The following EVC variants were observed in gnomAD, a reference collection of about 807,000 sequenced individuals.
EVC encodes the protein EvC ciliary complex subunit 1, also known as evC complex member EVC.
A neutral mutation model predicts 118.9 loss-of-function variants in EVC; 116 were observed. The ratio of observed to expected loss-of-function variants is 0.98; its 90% CI spans 0.84 to 1.14. EVC has a LOEUF of 1.14. Ranked by LOEUF, EVC falls within the 50% of genes most tolerant of loss-of-function variation. The probability of loss-of-function intolerance (pLI) is 0.00; values close to 1 mark genes in which losing one functional copy is unlikely to be tolerated. For synonymous variants in EVC, 619 were observed against 534.7 expected, an observed-to-expected ratio of 1.16 and a Z score of -2.18; for missense variants, 1,401 against 1,246.4, an observed-to-expected ratio of 1.12 and a Z score of -1.87.
At chr4:5,744,601 C>T (rs1215576562) in intron 6 of EVC, among the ~76,000 whole-genome samples, 4 of 152,146 alleles carry the variant, frequency 2.6e-5, no homozygotes, top group Non-Finnish European at 5.9e-5. Context: ...ATCATGGCTT[C>T]CTAATACTGA....
the EVC span, chr4:5,826,071 C>CA: frequency 9.1e-5 from 24 of 262,738 alleles, no homozygotes; most frequent in Middle Eastern, 2.5e-3. Flanking sequence ...TATACACATG[C>CA]ATACATGCCC....
At position 5,753,892 on chromosome 4, in the gene EVC, G is replaced by A. The variant is rs375242825; in HGVS notation, c.1423G>A (p.Ala475Thr). The A allele has an allele frequency of 6.2e-7, 1 of 1,613,782 alleles. No homozygotes were observed. The change falls in exon 10 of 21, where the codon GCT becomes ACT. Residue 475 changes from alanine to threonine, a missense_variant. Ala to Thr is a moderately conservative substitution (Grantham distance 58, BLOSUM62 0). Transcript: ENST00000264956. ...AGAGGAGGAACAGAGAAGCTTCCTG[G>A]CTGAGGCCCAGCCGACTGCTGACCC... Reference protein sequence around the residue: ...AQEEEQRSFLAEAQPTADPEK... With the variant: ...AQEEEQRSFLTEAQPTADPEK...
intron 11 of EVC, among the ~76,000 whole-genome samples, chr4:5,768,406 G>A (rs1458032107): frequency 6.6e-6 from 1 of 152,114 alleles, no homozygotes; most frequent in Non-Finnish European, 1.5e-5. Flanking sequence ...ACGGGGCAGG[G>A]AGAAAGCCTG....
At chr4:5,808,627 C>T (rs779530636) in intron 18 of EVC, among the ~76,000 whole-genome samples, 1 of 152,204 alleles carries the variant, frequency 6.6e-6, no homozygotes, top group Non-Finnish European at 1.5e-5. Context: ...TGAGCATTCC[C>T]CTGTGTGCGC....
chr4:5,728,595 T>C (rs1726245778), intron 2 of EVC, among the ~76,000 whole-genome samples: 1 of 152,224 alleles, frequency 6.6e-6, no homozygotes, highest in Non-Finnish European at 1.5e-5. Flanking sequence ...TTCTAGTGAC[T>C]CAGCAGGGTG....
chr4:5,798,563 G>C lies in EVC; in HGVS notation c.2098-23G>C. ...TCTGTGAGAGGAGCACTTGGCCCCT[G>C]CTCCCAGTCCTTTCCCTCCCAGGAG... On this transcript the variant is annotated intron_variant, in intron 14 of 20. Transcript: ENST00000264956. This position sits in a 1 kb window ranked among gnomAD's most constrained non-coding sequence, Gnocchi z 4.1. 6.4e-7 allele frequency: 1 copy of C among 1,550,576 alleles called. No homozygotes were observed. The highest frequency in any genetic ancestry group is 8.7e-7 in the Non-Finnish European group (1 of 1,147,552).
At chr4:5,802,251 C>T (rs771949886) in intron 16 of EVC, among the ~76,000 whole-genome samples, 157 bp downstream of exon 16, 5 of 152,178 alleles carry the variant, frequency 3.3e-5, no homozygotes, top group African/African-American at 4.8e-5. Flanking sequence ...TCTCAAAAAG[C>T]CTTTTTCAAA....
At chr4:5,790,486 T>C (rs1712578745) in intron 12 of EVC, among the ~76,000 whole-genome samples, 1 of 152,062 alleles carries the variant, frequency 6.6e-6, no homozygotes, top group Non-Finnish European at 1.5e-5. Context: ...TACAAAGCCA[T>C]GGAAAAGGGA....
chr4:5,766,524 A>G lies in EVC; in HGVS notation c.1563+10162A>G, dbSNP rs1217867760. 2.4e-4 allele frequency among the ~76,000 whole-genome samples: 29 copies of G among 121,294 alleles called. 1 individual carries two copies. Among genetic ancestry groups the G allele is most frequent in the African/African-American group, 8.3e-4 (25 of 29,958 alleles). The allele number at this position is 121,294 out of a possible 152,430, so 79.6% of individuals were successfully genotyped here. A position where few individuals can be genotyped will look rare whatever the true frequency, so the allele number is the denominator to read the frequency against. On this transcript the variant is annotated intron_variant, in intron 11 of 20. Transcript: ENST00000264956. Reference sequence around the variant, plus strand: ...TTTCCAACTTGGTTCCATTCTCCCCATCACTTTCAGGTACACCAATCAGAC... The same window carrying G: ...TTTCCAACTTGGTTCCATTCTCCCCGTCACTTTCAGGTACACCAATCAGAC...
Position 5,745,190 on chromosome 4 carries a change from TTC to T in EVC, c.802-12_802-11del, listed in dbSNP as rs372546602. 117,782 of 1,610,172 alleles carry T rather than the reference TTC, an allele frequency of 0.073. 5,280 individuals are homozygous for T. The highest frequency in any genetic ancestry group is 0.21 in the African/African-American group (15,899 of 74,242). ...CTTTGTTTATTTGCTTTCTTTTTTC[TTC>T]TTCTTCTTCAGGATTTGGAGGAACT... On this transcript the variant is annotated splice_polypyrimidine_tract_variant and intron_variant, in intron 6 of 20. Transcript: ENST00000264956.
intron 8 of EVC, among the ~76,000 whole-genome samples, chr4:5,752,104 G>T (rs555622483): frequency 7.9e-5 from 12 of 152,296 alleles, no homozygotes; most frequent in Admixed American, 7.2e-4. Flanking sequence ...GCCCAGCACA[G>T]AGGTGCCTAG....
chr4:5,802,628 G>A (rs1284210748), intron 16 of EVC, among the ~76,000 whole-genome samples: 1 of 152,172 alleles, frequency 6.6e-6, no homozygotes, highest in Non-Finnish European at 1.5e-5. Context: ...GGTTATGGGA[G>A]AGCGGCACAT....
chr4:5,764,533 G>A (rs1466602115), intron 11 of EVC, among the ~76,000 whole-genome samples: 1 of 149,552 alleles, frequency 6.7e-6, no homozygotes, highest in African/African-American at 2.5e-5. Context: ...ATCTGGTCCT[G>A]GACTCTTTTT....
chr4:5,765,379 G>C (rs1367594151), intron 11 of EVC, among the ~76,000 whole-genome samples: 2 of 113,060 alleles, frequency 1.8e-5, no homozygotes, highest in African/African-American at 6.9e-5. Context: ...TGTATATTCT[G>C]TTGATTTGGG....
downstream of EVC, among the ~76,000 whole-genome samples, chr4:5,817,873 TG>T (rs1717945162): frequency 6.6e-6 from 1 of 152,196 alleles, no homozygotes; most frequent in Admixed American, 6.5e-5. Context: ...TGGTGACATC[TG>T]AAAATGGTTT....
rs755096874 is a variant in EVC at position 5,748,272 on chromosome 4, G to A, written c.1064G>A (p.Gly355Glu). 1 of 1,614,156 alleles carries A rather than the reference G, an allele frequency of 6.2e-7. No individual in the cohort carries two copies. Among genetic ancestry groups the A allele is most frequent in the Non-Finnish European group, 8.5e-7 (1 of 1,180,012 alleles). ...ACGGAAAGAATGATTGCAGCCGAAG[G>A]GCTATTGTGCGATTCTCAGGAGCTG... is the stretch of plus-strand genomic sequence containing the variant. ...TLTERMIAAE[G>E]LLCDSQELQA... The change falls in exon 8 of 21, where the codon GGG becomes GAG. Residue 355 changes from glycine to glutamate, a missense_variant. Gly to Glu is a moderately conservative substitution (Grantham distance 98, BLOSUM62 -2). Transcript: ENST00000264956.
At chr4:5,794,938 A>G (rs1713666123) in intron 13 of EVC, among the ~76,000 whole-genome samples, 1 of 152,098 alleles carries the variant, frequency 6.6e-6, no homozygotes, top group Non-Finnish European at 1.5e-5. Context: ...CCTTATATCT[A>G]TAGGTGCCCA....
intron 11 of EVC, among the ~76,000 whole-genome samples, chr4:5,769,621 G>C (rs574741333): frequency 6.6e-6 from 1 of 152,234 alleles, no homozygotes; most frequent in East Asian, 1.9e-4. Flanking sequence ...GGGGCTCTGG[G>C]TGGAGTTTGC....
chr4:5,720,709 G>T (rs902963153), intron 2 of EVC, among the ~76,000 whole-genome samples: 5 of 152,208 alleles, frequency 3.3e-5, no homozygotes, highest in Admixed American at 2.6e-4. Flanking sequence ...ACGTGGACGG[G>T]GGGAGAGATG....
Sources: allele counts gnomAD v4.1 joint callset (sites outside exome capture counted in the v4.1 genomes callset), GRCh38; gene constraint gnomAD v4.1.1; non-coding constraint Gnocchi (gnomAD v3.1); transcripts MANE v1.5; gene names NCBI Gene and HGNC (gene_info 2026-07-23, HGNC 2026-07-21).